Variants in MICALL1 observed in about 807,000 individuals in gnomAD.
The protein encoded by MICALL1 is MICAL-like protein 1.
A neutral mutation model predicts 83.7 loss-of-function variants in MICALL1; 61 were observed. The ratio of observed to expected loss-of-function variants is 0.73; its 90% confidence interval spans 0.59 to 0.90. The LOEUF is 0.90. Among genes scored for constraint, MICALL1 ranks in the 40% least tolerant of loss-of-function variants. The probability of loss-of-function intolerance (pLI) is 0.00; values close to 1 mark genes in which losing one functional copy is unlikely to be tolerated. For synonymous variants in MICALL1, 481 were observed against 473.6 expected (o/e 1.02, Z -0.20); for missense variants, 1,066 against 1,152.0 (o/e 0.93, Z 1.08).
At chr22:37,933,334 A>G (rs1929906685) in intron 13 of MICALL1, among the ~76,000 whole-genome samples, 1 of 152,144 alleles carries the variant, frequency 6.6e-6, no homozygotes, top group Admixed American at 6.5e-5. Context: ...AAGGAACCGC[A>G]CAGACAGTGT....
intron 1 of MICALL1, among the ~76,000 whole-genome samples, chr22:37,911,002 A>T (rs565858162): frequency 6.6e-6 from 1 of 152,228 alleles, no homozygotes; most frequent in Non-Finnish European, 1.5e-5. Flanking sequence ...TAGAAGGGCA[A>T]GGCTGCATGC....
In MICALL1 at chr22:37,906,346, G is replaced by C; in HGVS notation, c.-77G>C. On this transcript the variant is annotated 5_prime_UTR_variant, in exon 1 of 16. Transcript: ENST00000215957. This position sits in a 1 kb window ranked among gnomAD's most constrained non-coding sequence, Gnocchi z 4.4. ...GGAGCCGCAGCCGCAGCCGGAAACC[G>C]GGCCCGCGCGGCGGCCGCCGTCCCG... 21 of 977,068 alleles carry C rather than the reference G, an allele frequency of 2.1e-5. No individual in the cohort carries two copies. The highest frequency in any genetic ancestry group is 2.4e-5 in the Non-Finnish European group (20 of 819,418). The allele number at this position is 977,068 out of a possible 1,614,324, so 60.5% of individuals were successfully genotyped here.
At position 37,940,768 on chromosome 22, in the gene MICALL1, A is replaced by T; in HGVS notation, c.2530A>T (p.Met844Leu). ...GAAGGGGAAGTTCAAGACCATGAAGATGTTGAAACTGCTAGGAAACAAACG... is the reference window on the plus strand; with the variant it reads ...GAAGGGGAAGTTCAAGACCATGAAGTTGTTGAAACTGCTAGGAAACAAACG... ...KKKGKFKTMK[M>L]LKLLGNKRDA... is the part of the protein sequence containing the mutation. The change falls in exon 16 of 16, where the codon ATG becomes TTG. Residue 844 changes from methionine to leucine, a missense_variant. Physicochemically the swap from Met to Leu is conservative, Grantham distance 15. Coordinates refer to ENST00000215957, the MANE Select transcript of MICALL1 (RefSeq NM_033386.4). 6.2e-7 allele frequency: 1 copy of T among 1,614,168 alleles called. No individual in the cohort carries two copies. The highest frequency in any genetic ancestry group is 1.3e-5 in the African/African-American group (1 of 75,056).
rs1927934762 is a variant in MICALL1, at chr22:37,906,345, C to T, written c.-78C>T. Reference sequence around the variant, plus strand: ...CGGAGCCGCAGCCGCAGCCGGAAACCGGGCCCGCGCGGCGGCCGCCGTCCC... The same window carrying T: ...CGGAGCCGCAGCCGCAGCCGGAAACTGGGCCCGCGCGGCGGCCGCCGTCCC... On this transcript the variant is annotated 5_prime_UTR_variant, in exon 1 of 16. Transcript: ENST00000215957. This position sits in a 1 kb window ranked among gnomAD's most constrained non-coding sequence, Gnocchi z 4.4. 2 of 974,246 alleles carry T rather than the reference C, an allele frequency of 2.1e-6. No homozygotes were observed. The highest frequency in any genetic ancestry group is 2.4e-6 in the Non-Finnish European group (2 of 817,156). The allele number at this position is 974,246 out of a possible 1,614,324, so 60.4% of individuals were successfully genotyped here. A position where few individuals can be genotyped will look rare whatever the true frequency, so the allele number is the denominator to read the frequency against.
At position 37,906,561 on chromosome 22, in the gene MICALL1, G is replaced by A. The variant is rs1023384922; in HGVS notation, c.139G>A (p.Asp47Asn). Residue 47 changes from aspartate (D) to asparagine (N), a missense_variant, in exon 1 of 16, where the codon GAC becomes AAC. Transcript: ENST00000215957. This position sits in a 1 kb window ranked among gnomAD's most constrained non-coding sequence, Gnocchi z 4.4. ...CGCCATCCTGCACCGGCACCGGCCC[G>A]ACCTGCTGTGAGTGCGGGGCCCCGG... ...FCAILHRHRP[D>N]LLDFDSLSKD... 8.5e-6 allele frequency: 10 copies of A among 1,178,070 alleles called. No individual in the cohort carries two copies. In the African/African-American group the frequency reaches 1.6e-4, roughly 19 times the overall value. The allele number at this position is 1,178,070 out of a possible 1,614,324, so 73.0% of individuals were successfully genotyped here. A position where few individuals can be genotyped will look rare whatever the true frequency, so the allele number is the denominator to read the frequency against.
At position 37,941,042 on chromosome 22, in the gene MICALL1, G is replaced by A. The variant is rs891756300; in HGVS notation, c.*212G>A. 86 of 552,768 alleles carry A rather than the reference G, an allele frequency of 1.6e-4. 2 individuals carry two copies. In the Admixed American group the frequency reaches 2.3e-3, roughly 15 times the overall value. The allele number at this position is 552,768 out of a possible 1,614,324, so 34.2% of individuals were successfully genotyped here. A position where few individuals can be genotyped will look rare whatever the true frequency, so the allele number is the denominator to read the frequency against. Reference sequence around the variant, plus strand: ...TTTCTTCTCCGAGCCCCAGGCAGCGGTGATTCAGCCCTGCCCAACCTGATT... The same window carrying A: ...TTTCTTCTCCGAGCCCCAGGCAGCGATGATTCAGCCCTGCCCAACCTGATT... On this transcript the variant is annotated 3_prime_UTR_variant, in exon 16 of 16. Transcript: ENST00000215957.
rs754423523 is a variant in MICALL1 at position 37,927,714 on chromosome 22, G to A, written c.1769G>A (p.Gly590Asp). Residue 590 changes from glycine to aspartate, a missense_variant, in exon 9 of 16, where the codon GGT (glycine) becomes GAT (aspartate). Physicochemically the swap from Gly to Asp is moderately conservative, Grantham distance 94 (BLOSUM62 -1). Transcript: ENST00000215957. The part of the protein sequence containing the change: ...GLAPRTRGSS[G>D]PQPAKPCSGA... The stretch of plus-strand genomic sequence containing the variant: ...GCCCCCAGGACCAGGGGCAGCTCAG[G>A]TCCCCAGCCAGCCAAGCCCTGCAGT... 11 of 1,613,978 alleles carry A rather than the reference G, an allele frequency of 6.8e-6. No homozygotes were observed. Among genetic ancestry groups the A allele is most frequent in the East Asian group, 4.5e-5 (2 of 44,860 alleles).
rs747089778 is a variant in MICALL1, at chr22:37,937,212, G to T, written c.2423+18G>T. 7.2e-6 allele frequency: 11 copies of T among 1,533,542 alleles called. No homozygotes were observed. The Admixed American group carries it at 9.8e-5, about 14-fold the overall frequency. The allele number at this position is 1,533,542 out of a possible 1,614,324, so 95.0% of individuals were successfully genotyped here. On this transcript the variant is annotated intron_variant, in intron 14 of 15. Coordinates refer to ENST00000215957, the MANE Select transcript of MICALL1 (RefSeq NM_033386.4). ...CGGCAGAGGTGACATGGCCAGGGGT[G>T]GGGGGTCCTGGGGGCAGGGCCAGAG... is the stretch of plus-strand genomic sequence containing the variant.
chr22:37,932,836 C>T lies in MICALL1; in HGVS notation c.2182C>T (p.Leu728Phe). ...TGACATGCTGGTGGACTGGTTCAAG[C>T]TCATCCACGAGAAGCACCTACTGGT... ...EDDMLVDWFK[L>F]IHEKHLLVRR... The change falls in exon 12 of 16, where the codon CTC (leucine) becomes TTC (phenylalanine). Residue 728 changes from leucine (L) to phenylalanine (F), a missense_variant. Coordinates refer to ENST00000215957, the MANE Select transcript of MICALL1 (RefSeq NM_033386.4). This position sits in a 1 kb window ranked among gnomAD's most constrained non-coding sequence, Gnocchi z 4.4. 1.2e-6 allele frequency: 2 copies of T among 1,614,116 alleles called. No individual in the cohort carries two copies. The highest frequency in any genetic ancestry group is 2.2e-5 in the East Asian group (1 of 44,852).
chr22:37,920,071 T>G (rs1484553103), intron 5 of MICALL1, among the ~76,000 whole-genome samples: 1 of 152,172 alleles, frequency 6.6e-6, no homozygotes, highest in Admixed American at 6.5e-5. Flanking sequence ...GTGATCTTCC[T>G]GTCTTACCCT....
At chr22:37,938,342 C>T (rs1930248329) in intron 15 of MICALL1, among the ~76,000 whole-genome samples, 1 of 144,700 alleles carries the variant, frequency 6.9e-6, no homozygotes, top group Non-Finnish European at 1.5e-5. Context: ...GTGGAGCTTG[C>T]AGTGAGCCGA....
chr22:37,932,565 C>T lies in MICALL1; in HGVS notation c.2029C>T (p.Gln677Ter), dbSNP rs1211971830. Reference sequence around the variant, plus strand: ...CACTGTTGGGCAGGTCCAGGCTGACCAGTACATCCCTGAGGAGGACATCCA... The same window carrying T: ...CACTGTTGGGCAGGTCCAGGCTGACTAGTACATCCCTGAGGAGGACATCCA... Reference protein sequence around the residue: ...PLIKRKVQADQYIPEEDIHGE... With the variant: ...PLIKRKVQAD Residue 677 changes from glutamine (Q) to a stop codon, truncating the protein, a stop_gained, in exon 11 of 16, where the codon CAG becomes TAG. Coordinates refer to ENST00000215957, the MANE Select transcript of MICALL1 (RefSeq NM_033386.4). LOFTEE classifies it high-confidence loss of function. The surrounding 1 kb of genome is among the most constrained non-coding windows in gnomAD (Gnocchi z 4.4). The T allele has an allele frequency of 2.5e-6, 4 of 1,614,126 alleles. No homozygotes were observed. The highest frequency in any genetic ancestry group is 2.5e-6 in the Non-Finnish European group (3 of 1,180,014).
intron 6 of MICALL1, among the ~76,000 whole-genome samples, chr22:37,922,801 T>TG (rs1366931920): frequency 2.2e-5 from 3 of 137,572 alleles, no homozygotes; most frequent in East Asian, 2.1e-4. Context: ...TTTTTGTTTT[T>TG]TTTTTTTTTT....
Position 37,906,351 on chromosome 22 carries a change from C to A in MICALL1, c.-72C>A. The A allele has an allele frequency of 2.0e-6, 2 of 988,586 alleles. No homozygotes were observed. The highest frequency in any genetic ancestry group is 2.4e-6 in the Non-Finnish European group (2 of 829,172). 61.2% of individuals were successfully genotyped at this position (988,586 alleles called of 1,614,324 possible). On this transcript the variant is annotated 5_prime_UTR_variant, in exon 1 of 16. Transcript: ENST00000215957. The surrounding 1 kb of genome is among the most constrained non-coding windows in gnomAD (Gnocchi z 4.4). ...CGCAGCCGCAGCCGGAAACCGGGCCCGCGCGGCGGCCGCCGTCCCGGCCAA... is the reference window on the plus strand; with the variant it reads ...CGCAGCCGCAGCCGGAAACCGGGCCAGCGCGGCGGCCGCCGTCCCGGCCAA...
At chr22:37,908,215 C>T (rs1387725420) in intron 1 of MICALL1, among the ~76,000 whole-genome samples, 1 of 151,842 alleles carries the variant, frequency 6.6e-6, no homozygotes, top group Non-Finnish European at 1.5e-5. Flanking sequence ...TGACACAGCT[C>T]ACAGAAATGT....
chr22:37,921,850 C>A (rs781059675), intron 5 of MICALL1, 122 bp from the exon 6 acceptor site: 1 of 882,530 alleles, frequency 1.1e-6, no homozygotes, highest in Non-Finnish European at 1.7e-6. Flanking sequence ...GGTATGGAGT[C>A]GAGCTTGGCT....
Position 37,906,524 on chromosome 22 carries a change from C to G in MICALL1, c.102C>G (p.Gly34=). ...ACCTGAGCAGCTCCTTCCGGGACGG[C>G]CTGGCCTTCTGCGCCATCCTGCACC... ...IRDLSSSFRD[G]LAFCAILHRH... Residue 34 remains glycine, a synonymous_variant, in exon 1 of 16, where the codon GGC becomes GGG. Transcript: ENST00000215957. This position sits in a 1 kb window ranked among gnomAD's most constrained non-coding sequence, Gnocchi z 4.4. 2 of 1,238,876 alleles carry G rather than the reference C, an allele frequency of 1.6e-6. No homozygotes were observed. The highest frequency in any genetic ancestry group is 2.7e-5 in the South Asian group (1 of 36,372). The allele number at this position is 1,238,876 out of a possible 1,614,324, so 76.7% of individuals were successfully genotyped here.
Position 37,925,741 on chromosome 22 carries a change from C to G in MICALL1, c.1163C>G (p.Pro388Arg). Reference protein sequence around the residue: ...EPKKKPAPLPPSSSPGPPSQD... With the variant: ...EPKKKPAPLPRSSSPGPPSQD... ...AAGAAGAAGCCAGCCCCACTTCCCC[C>G]AAGCAGCAGCCCGGGGCCACCAAGC... Residue 388 changes from proline to arginine, a missense_variant, in exon 8 of 16, where the codon CCA becomes CGA. Physicochemically the swap from Pro to Arg is moderately radical, Grantham distance 103 (BLOSUM62 -2). Coordinates refer to ENST00000215957, the MANE Select transcript of MICALL1 (RefSeq NM_033386.4). The G allele has an allele frequency of 3.7e-6, 6 of 1,612,464 alleles. No homozygotes were observed. Among genetic ancestry groups the G allele is most frequent in the Non-Finnish European group, 5.1e-6 (6 of 1,179,842 alleles).
At chr22:37,911,869 C>A in intron 1 of MICALL1, 83 bp from the exon 2 acceptor site, 1 of 1,359,626 alleles carries the variant, frequency 7.4e-7, no homozygotes, top group Non-Finnish European at 1.1e-6. Context: ...CTTCTCTGTT[C>A]AGCTCCTTTC....
Sources: allele counts gnomAD v4.1 joint callset (sites outside exome capture counted in the v4.1 genomes callset), GRCh38; gene constraint gnomAD v4.1.1; non-coding constraint Gnocchi (gnomAD v3.1); transcripts MANE v1.5; gene names NCBI Gene and HGNC (gene_info 2026-07-23, HGNC 2026-07-21).